Variants in CERCAM observed in about 807,000 individuals in gnomAD.
CERCAM encodes the protein inactive glycosyltransferase 25 family member 3.
A neutral mutation model predicts 66.0 loss-of-function variants in CERCAM; 59 were observed. The observed-to-expected ratio is 0.89, with a 90% CI of 0.73 to 1.11. The LOEUF (loss-of-function observed/expected upper bound fraction) is 1.11, where lower values mean the gene tolerates loss of function less well. CERCAM is among the 50% of genes most tolerant of loss of function. The pLI, the probability that CERCAM is intolerant of heterozygous loss-of-function variation, is 0.00. For missense variants in CERCAM, 840 were observed against 828.3 expected (o/e 1.01, Z -0.17); for synonymous variants, 318 against 343.6 (o/e 0.93, Z 0.83).
Position 128,421,012 on chromosome 9 carries a change from G to T in CERCAM, c.135G>T (p.Ser45=), listed in dbSNP as rs1267194152. 2 of 1,456,408 alleles carry T rather than the reference G, an allele frequency of 1.4e-6. No homozygotes were observed. The highest frequency in any genetic ancestry group is 1.3e-5 in the South Asian group (1 of 74,892). 90.2% of individuals were successfully genotyped at this position (1,456,408 alleles called of 1,614,324 possible). A position where few individuals can be genotyped will look rare whatever the true frequency, so the allele number is the denominator to read the frequency against. ...LAILARNAEH[S]LPHYLGALER... ...TCCTGGCCCGCAATGCCGAACACTC[G>T]CTGCCCCACTACCTGGGCGCTCTGG... Residue 45 remains serine, a synonymous_variant, in exon 1 of 13, where the codon TCG becomes TCT. Coordinates refer to ENST00000372838, the MANE Select transcript of CERCAM (RefSeq NM_016174.5).
rs763904400 is a variant in CERCAM, at chr9:128,434,299, G to T, written c.1331+70G>T. On this transcript the variant is annotated intron_variant, in intron 10 of 12. Coordinates refer to ENST00000372838, the MANE Select transcript of CERCAM (RefSeq NM_016174.5). This position sits in a 1 kb window ranked among gnomAD's most constrained non-coding sequence, Gnocchi z 4.5. Reference sequence around the variant, plus strand: ...CCGGAGTCTGCCTTTTCCTGCTTGGGACCCTGGCCGGCCCATCCCCTGAGA... The same window carrying T: ...CCGGAGTCTGCCTTTTCCTGCTTGGTACCCTGGCCGGCCCATCCCCTGAGA... The T allele has an allele frequency of 1.2e-6, 2 of 1,604,920 alleles. No homozygotes were observed. The highest frequency in any genetic ancestry group is 1.7e-6 in the Non-Finnish European group (2 of 1,174,634).
At position 128,424,550 on chromosome 9, in the gene CERCAM, A is replaced by G. The variant is rs761194603; in HGVS notation, c.702A>G (p.Pro234=). Residue 234 remains proline, a synonymous_variant, in exon 5 of 13, where the codon CCA becomes CCG. Transcript: ENST00000372838. The part of the protein sequence containing the change: ...EGADQLAFYP[P]HPNYTWPFDD... ...CAGACCAGCTTGCTTTCTACCCGCC[A>G]CATCCCAACTACACTTGGCCTTTCG... 3 of 1,614,114 alleles carry G rather than the reference A, an allele frequency of 1.9e-6. No individual in the cohort carries two copies. Among genetic ancestry groups the G allele is most frequent in the Non-Finnish European group, 2.5e-6 (3 of 1,180,024 alleles).
At position 128,424,270 on chromosome 9, in the gene CERCAM, C is replaced by G. The variant is rs146651928; in HGVS notation, c.559C>G (p.Gln187Glu). The change falls in exon 4 of 13, where the codon CAG (glutamine) becomes GAG (glutamate). Residue 187 changes from glutamine (Q) to glutamate (E), a missense_variant and splice_region_variant. By Grantham distance (29) the Gln-to-Glu change is conservative. Transcript: ENST00000372838. ...CAACTTCTGGTGTGGGATCACCCCC[C>G]AGGTGAGGCCGGGATGGGGGCCTTG... ...YSNFWCGITPQGYYRRTAEYF... is the reference protein window; with the variant it reads ...YSNFWCGITPEGYYRRTAEYF... The G allele has an allele frequency of 9.1e-4, 1,466 of 1,613,892 alleles. 2 individuals carry two copies. The highest frequency in any genetic ancestry group is 1.2e-3 in the Non-Finnish European group (1,391 of 1,179,956).
In CERCAM at chr9:128,434,445, A is replaced by C; in HGVS notation, c.1367A>C (p.Glu456Ala). Residue 456 changes from glutamate to alanine, a missense_variant, in exon 11 of 13, where the codon GAG becomes GCG. Transcript: ENST00000372838. This position sits in a 1 kb window ranked among gnomAD's most constrained non-coding sequence, Gnocchi z 4.5. ...CGGAAGCAGGTGAACCCTGAGAAGG[A>C]GACGGCCGTGGAGGGGCTGCCGGGC... ...LGRKQVNPEKETAVEGLPGLV... is the reference protein window; with the variant it reads ...LGRKQVNPEKATAVEGLPGLV... 6.2e-7 allele frequency: 1 copy of C among 1,614,018 alleles called. No individual in the cohort carries two copies. The highest frequency in any genetic ancestry group is 1.3e-5 in the African/African-American group (1 of 75,034).
chr9:128,434,500 G>A lies in CERCAM; in HGVS notation c.1422G>A (p.Thr474=), dbSNP rs748241580. The change falls in exon 11 of 13, where the codon ACG becomes ACA. Residue 474 remains threonine, a synonymous_variant. Coordinates refer to ENST00000372838, the MANE Select transcript of CERCAM (RefSeq NM_016174.5). The surrounding 1 kb of genome is among the most constrained non-coding windows in gnomAD (Gnocchi z 4.5). ...GLVVAGYSYW[T]LAYALRLAGA... ...TGGTGGCTGGGTACTCCTACTGGACGCTGGCCTATGCCCTGCGTCTGGCGG... is the reference window on the plus strand; with the variant it reads ...TGGTGGCTGGGTACTCCTACTGGACACTGGCCTATGCCCTGCGTCTGGCGG... 29 of 1,613,470 alleles carry A rather than the reference G, an allele frequency of 1.8e-5. No homozygotes were observed. The highest frequency in any genetic ancestry group is 1.7e-4 in the Middle Eastern group (1 of 6,042).
In CERCAM at chr9:128,422,880, C is replaced by CCA; in HGVS notation, c.213_214dup (p.Asn72ThrfsTer52). The CCA allele has an allele frequency of 6.2e-7, 1 of 1,614,082 alleles. No homozygotes were observed. The highest frequency in any genetic ancestry group is 2.2e-5 in the East Asian group (1 of 44,892). On this transcript the variant is annotated frameshift_variant, in exon 2 of 13. Transcript: ENST00000372838. LOFTEE classifies it high-confidence loss of function. ...TTCCCGTCCCCAGGTGTGCCACGGACCACAATGTGGACAACACCACAGAGA... is the reference window on the plus strand; with the variant it reads ...TTCCCGTCCCCAGGTGTGCCACGGACCACACAATGTGGACAACACCACAGAGA...
intron 9 of CERCAM, among the ~76,000 whole-genome samples, chr9:128,433,671 G>T (rs1258205219): frequency 6.6e-6 from 1 of 152,174 alleles, no homozygotes; most frequent in African/African-American, 2.4e-5. Context: ...GGAGGCCAAA[G>T]TGACAAGCTG....
intron 8 of CERCAM, among the ~76,000 whole-genome samples, chr9:128,429,510 C>A (rs186170740): frequency 1.7e-3 from 257 of 152,306 alleles, no homozygotes; most frequent in African/African-American, 6.1e-3. Flanking sequence ...CAGCCATGTT[C>A]CCCCGAGGAA....
upstream of CERCAM, chr9:128,420,353 G>T (rs1833677603): frequency 6.6e-6 from 1 of 152,210 alleles, no homozygotes; most frequent in African/African-American, 2.4e-5. This position sits in a 1 kb window ranked among gnomAD's most constrained non-coding sequence, Gnocchi z 5.0. Flanking sequence ...CGGAGCTAGC[G>T]CCAGGGCCGC....
chr9:128,423,666 G>A (rs1052464030), intron 3 of CERCAM, among the ~76,000 whole-genome samples: 3 of 151,386 alleles, frequency 2.0e-5, no homozygotes, highest in Non-Finnish European at 4.4e-5. Flanking sequence ...TGACCCACCC[G>A]AAGGCTGGAT....
chr9:128,426,786 G>A (rs536141468), intron 5 of CERCAM, among the ~76,000 whole-genome samples: 2 of 152,266 alleles, frequency 1.3e-5, no homozygotes, highest in Admixed American at 6.5e-5. Flanking sequence ...TAGAGGTGAC[G>A]ATTTAATCAA....
At chr9:128,420,789 C>T (rs1352912574), upstream of CERCAM, 9 of 467,242 alleles carry the variant, frequency 1.9e-5, no homozygotes, top group Admixed American at 5.1e-5. The surrounding 1 kb of genome is among the most constrained non-coding windows in gnomAD (Gnocchi z 5.0). Flanking sequence ...CCGGGTCTGC[C>T]TCGGCCCCGC....
Position 128,434,308 on chromosome 9 carries a change from C to A in CERCAM, c.1331+79C>A. 1 of 1,602,584 alleles carries A rather than the reference C, an allele frequency of 6.2e-7. No individual in the cohort carries two copies. The highest frequency in any genetic ancestry group is 1.7e-5 in the Admixed American group (1 of 59,406). On this transcript the variant is annotated intron_variant, in intron 10 of 12. Coordinates refer to ENST00000372838, the MANE Select transcript of CERCAM (RefSeq NM_016174.5). The surrounding 1 kb of genome is among the most constrained non-coding windows in gnomAD (Gnocchi z 4.5). ...GCCTTTTCCTGCTTGGGACCCTGGC[C>A]GGCCCATCCCCTGAGAGCCTGGCCC...
At chr9:128,426,619 TAAA>T in intron 5 of CERCAM, among the ~76,000 whole-genome samples, 1 of 143,990 alleles carries the variant, frequency 6.9e-6, no homozygotes, top group Non-Finnish European at 1.5e-5. Flanking sequence ...GACTCTGTCT[TAAA>T]AAAAAAAAAA....
intron 1 of CERCAM, chr9:128,421,543 C>A (rs988400807): frequency 2.0e-6 from 2 of 986,390 alleles, no homozygotes; most frequent in African/African-American, 3.5e-5. Context: ...GGGCTCCGGG[C>A]TGTGCAGGGG....
chr9:128,420,837 C>T (rs959159965), upstream of CERCAM: 4 of 1,072,466 alleles, frequency 3.7e-6, no homozygotes, highest in African/African-American at 5.0e-5. This position sits in a 1 kb window ranked among gnomAD's most constrained non-coding sequence, Gnocchi z 5.0. Context: ...TCGGCCGGCC[C>T]GAGAGCTCCG....
At chr9:128,425,716 G>C (rs1483504173) in intron 5 of CERCAM, among the ~76,000 whole-genome samples, 1 of 150,122 alleles carries the variant, frequency 6.7e-6, no homozygotes, top group African/African-American at 2.5e-5. Flanking sequence ...TCTCCGTGTT[G>C]GTCAGCCTCG....
chr9:128,421,037 G>C lies in CERCAM; in HGVS notation c.160G>C (p.Glu54Gln), dbSNP rs1013329647. The C allele has an allele frequency of 7.8e-6, 11 of 1,414,282 alleles. No individual in the cohort carries two copies. The highest frequency in any genetic ancestry group is 3.0e-5 in the Admixed American group (1 of 33,494). The allele number at this position is 1,414,282 out of a possible 1,614,324, so 87.6% of individuals were successfully genotyped here. ...HSLPHYLGALERLDYPRARMA... is the reference protein window; with the variant it reads ...HSLPHYLGALQRLDYPRARMA... The stretch of plus-strand genomic sequence containing the variant: ...GCTGCCCCACTACCTGGGCGCTCTG[G>C]AGCGGCTGGACTACCCCCGGGCCAG... Residue 54 changes from glutamate to glutamine, a missense_variant, in exon 1 of 13, where the codon GAG becomes CAG. Glu to Gln is a conservative substitution (Grantham distance 29). Transcript: ENST00000372838.
In CERCAM at chr9:128,434,474, G is replaced by C. The variant is rs1834059545; in HGVS notation, c.1396G>C (p.Val466Leu). ...GGCCGTGGAGGGGCTGCCGGGCCTG[G>C]TGGTGGCTGGGTACTCCTACTGGAC... ...ETAVEGLPGL[V>L]VAGYSYWTLA... The change falls in exon 11 of 13, where the codon GTG (valine) becomes CTG (leucine). Residue 466 changes from valine to leucine, a missense_variant. By Grantham distance (32) the Val-to-Leu change is conservative. Transcript: ENST00000372838. The surrounding 1 kb of genome is among the most constrained non-coding windows in gnomAD (Gnocchi z 4.5). 6.2e-7 allele frequency: 1 copy of C among 1,613,960 alleles called. No individual in the cohort carries two copies. Among genetic ancestry groups the C allele is most frequent in the Middle Eastern group, 1.7e-4 (1 of 6,034 alleles).
Sources: gnomAD v4.1 joint callset for allele counts (sites outside exome capture counted in the v4.1 genomes callset) on GRCh38, gnomAD v4.1.1 for gene constraint, Gnocchi (gnomAD v3.1) non-coding constraint, MANE v1.5 for transcripts, NCBI Gene and HGNC (gene_info 2026-07-23, HGNC 2026-07-21) for gene names.